The following NIPAL2 variants were observed in gnomAD, a reference collection of about 807,000 sequenced individuals.
The protein encoded by NIPAL2 is NIPA-like protein 2.
In NIPAL2, 43 loss-of-function variants were observed where a neutral mutation model predicts 48.9. That is an observed-to-expected ratio of 0.88 (90% CI 0.69 to 1.13). The LOEUF (loss-of-function observed/expected upper bound fraction) is 1.13, where lower values mean the gene tolerates loss of function less well. Ranked by LOEUF, NIPAL2 falls within the 50% of genes most tolerant of loss-of-function variation. The pLI is 0.00. For missense variants in NIPAL2, 446 were observed against 461.4 expected (o/e 0.97, Z 0.31); for synonymous variants, 167 against 174.6 (o/e 0.96, Z 0.34).
chr8:98,198,175 A>G (rs564284770), intron 8 of NIPAL2, among the ~76,000 whole-genome samples: 5 of 152,332 alleles, frequency 3.3e-5, no homozygotes, highest in Non-Finnish European at 5.9e-5. Flanking sequence ...GTACATCTCC[A>G]CAAGAGCTCT....
At chr8:98,264,078 C>T (rs1814544607) in intron 1 of NIPAL2, among the ~76,000 whole-genome samples, 1 of 152,018 alleles carries the variant, frequency 6.6e-6, no homozygotes, top group African/African-American at 2.4e-5. Context: ...CAAAATTCAA[C>T]AACCCTTATG....
intron 8 of NIPAL2, among the ~76,000 whole-genome samples, chr8:98,196,744 G>A (rs1393960650): frequency 6.6e-6 from 1 of 152,230 alleles, no homozygotes; most frequent in East Asian, 1.9e-4. Flanking sequence ...TGTGTGTGGT[G>A]TTATCCTTGT....
At chr8:98,206,876 A>G (rs1811071257) in intron 6 of NIPAL2, among the ~76,000 whole-genome samples, 2 of 152,134 alleles carry the variant, frequency 1.3e-5, no homozygotes, top group Non-Finnish European at 2.9e-5. Context: ...AGGCCCTTAC[A>G]ATCAGGCCTT....
At chr8:98,230,402 A>T (rs1285479278) in intron 4 of NIPAL2, among the ~76,000 whole-genome samples, 4 of 152,184 alleles carry the variant, frequency 2.6e-5, no homozygotes, top group Non-Finnish European at 4.4e-5. Context: ...ATGCTCCACC[A>T]AAAAAGGTCC....
At chr8:98,262,607 A>G (rs1814424604) in intron 1 of NIPAL2, among the ~76,000 whole-genome samples, 1 of 150,642 alleles carries the variant, frequency 6.6e-6, no homozygotes, top group Non-Finnish European at 1.5e-5. Flanking sequence ...CACCCAATAC[A>G]GGAGCACCCA....
intron 1 of NIPAL2, among the ~76,000 whole-genome samples, chr8:98,276,024 A>G (rs564889028): frequency 2.0e-5 from 3 of 152,320 alleles, no homozygotes; most frequent in South Asian, 2.1e-4. Flanking sequence ...CCACACATGC[A>G]CAGCCTTTCC....
At chr8:98,280,596 A>G (rs890586395) in intron 1 of NIPAL2, among the ~76,000 whole-genome samples, 1 of 151,762 alleles carries the variant, frequency 6.6e-6, no homozygotes, top group Non-Finnish European at 1.5e-5. Flanking sequence ...ATTTGTACCC[A>G]GTAGACAGGT....
At chr8:98,283,150 C>T (rs1815952992) in intron 1 of NIPAL2, among the ~76,000 whole-genome samples, 1 of 152,172 alleles carries the variant, frequency 6.6e-6, no homozygotes, top group South Asian at 2.1e-4. Flanking sequence ...TTACATTTGT[C>T]TTTTACTAGG....
At chr8:98,278,224 T>TTTTG (rs142485145) in intron 1 of NIPAL2, among the ~76,000 whole-genome samples, 18 of 152,230 alleles carry the variant, frequency 1.2e-4, no homozygotes, top group Middle Eastern at 3.4e-3. Context: ...TATCATGGTT[T>TTTTG]TTTGTTTGTT....
intron 1 of NIPAL2, among the ~76,000 whole-genome samples, chr8:98,261,307 G>T (rs1164756209): frequency 1.4e-5 from 2 of 141,184 alleles, no homozygotes; most frequent in Admixed American, 1.4e-4. Flanking sequence ...AGAGAAGAAG[G>T]CTTCAGACGA....
intron 1 of NIPAL2, among the ~76,000 whole-genome samples, chr8:98,290,479 C>T (rs982153765): frequency 2.5e-4 from 38 of 152,262 alleles, no homozygotes; most frequent in Admixed American, 1.2e-3. Context: ...CTCTTCTGTC[C>T]ATTCTCTCTA....
intron 5 of NIPAL2, among the ~76,000 whole-genome samples, chr8:98,218,200 A>G (rs1378804752): frequency 1.3e-5 from 2 of 152,218 alleles, no homozygotes; most frequent in Admixed American, 1.3e-4. Flanking sequence ...TTCTCGTTTC[A>G]GGCTATGTGA....
Position 98,294,006 on chromosome 8 carries a change from G to A in NIPAL2, c.132C>T (p.Asn44=), listed in dbSNP as rs897092602. The A allele has an allele frequency of 5.4e-6, 8 of 1,489,308 alleles. No homozygotes were observed. In the Admixed American group the frequency reaches 9.3e-5, roughly 17 times the overall value. The allele number at this position is 1,489,308 out of a possible 1,614,324, so 92.3% of individuals were successfully genotyped here. Residue 44 remains asparagine, a synonymous_variant, in exon 1 of 11, where the codon AAC becomes AAT. Coordinates refer to ENST00000430223, the MANE Select transcript of NIPAL2 (RefSeq NM_001321635.2). ...GSLSGDWYRR[N]QIHLFGVLLA... ...GTGGCTGCGGGGCGGCCCTTACCTG[G>A]TTCCTGCGGTACCAGTCGCCCGAGA... is the stretch of plus-strand genomic sequence containing the variant.
chr8:98,239,471 A>C (rs1812878065), intron 3 of NIPAL2, among the ~76,000 whole-genome samples: 1 of 152,224 alleles, frequency 6.6e-6, no homozygotes, highest in African/African-American at 2.4e-5. Context: ...TATGGGAAAT[A>C]ATTTCATTGC....
intron 1 of NIPAL2, among the ~76,000 whole-genome samples, chr8:98,258,106 C>T (rs1218424374): frequency 6.6e-6 from 1 of 152,172 alleles, no homozygotes; most frequent in East Asian, 1.9e-4. Context: ...ACCTTGAAGA[C>T]ATAATGCTAA....
intron 10 of NIPAL2, among the ~76,000 whole-genome samples, chr8:98,193,710 C>G (rs1282644982): frequency 6.7e-6 from 1 of 150,282 alleles, no homozygotes; most frequent in Admixed American, 6.7e-5. Context: ...GGCTGAGACA[C>G]GAGAATCACT....
chr8:98,273,736 A>G lies in NIPAL2; in HGVS notation c.136-19649T>C, dbSNP rs73283801. On this transcript the variant is annotated intron_variant, in intron 1 of 10. Coordinates refer to ENST00000430223, the MANE Select transcript of NIPAL2 (RefSeq NM_001321635.2). ...TTATTATCTTTATTTTGTTAACTCAATTTTTCCGTTTTCATCTTGTTCATT... is the reference window on the plus strand; with the variant it reads ...TTATTATCTTTATTTTGTTAACTCAGTTTTTCCGTTTTCATCTTGTTCATT... Among the ~76,000 whole-genome samples the G allele has an allele frequency of 9.7e-3, 1,466 of 151,850 alleles. 26 individuals carry two copies. The highest frequency in any genetic ancestry group is 0.033 in the African/African-American group (1,375 of 41,436).
At chr8:98,194,526 T>C (rs113307493) in intron 10 of NIPAL2, among the ~76,000 whole-genome samples, 1 of 152,206 alleles carries the variant, frequency 6.6e-6, no homozygotes. Context: ...AGTTCTTTTA[T>C]ATCCCCAGTT....
At position 98,241,848 on chromosome 8, in the gene NIPAL2, G is replaced by A. The variant is rs774575374; in HGVS notation, c.377-5634C>T. On this transcript the variant is annotated intron_variant, in intron 3 of 10. Transcript: ENST00000430223. ...AATTAACTCTTTCTATCCTCCCAGC[G>A]TCTCAATGAGATAGTTGGCATTGTT... Among the ~76,000 whole-genome samples, 6 of 152,122 alleles carry A rather than the reference G, an allele frequency of 3.9e-5. No homozygotes were observed. The East Asian group carries it at 5.8e-4, about 15-fold the overall frequency.
Sources: allele counts gnomAD v4.1 joint callset (sites outside exome capture counted in the v4.1 genomes callset), GRCh38; gene constraint gnomAD v4.1.1; transcripts MANE v1.5; gene names NCBI Gene and HGNC (gene_info 2026-07-23, HGNC 2026-07-21).